Variants in LIPA observed in about 807,000 individuals in gnomAD.
LIPA encodes lysosomal acid lipase/cholesteryl ester hydrolase.
Under a neutral mutation model 40.6 loss-of-function variants are expected in LIPA, and 26 were observed. The observed-to-expected ratio is 0.64, with a 90% confidence interval of 0.47 to 0.89. LIPA has a LOEUF of 0.89. Among genes scored for constraint, LIPA ranks in the 40% least tolerant of loss-of-function variants. The pLI is 0.00. For missense variants in LIPA, 455 were observed against 479.6 expected, an observed-to-expected ratio of 0.95 and a Z score of 0.48; for synonymous variants, 188 against 168.4, an observed-to-expected ratio of 1.12 and a Z score of -0.90.
intron 2 of LIPA, among the ~76,000 whole-genome samples, chr10:89,373,334 C>CAA (rs34479360): frequency 0.01 from 623 of 62,092 alleles, 7 homozygotes; most frequent in African/African-American, 0.018. Flanking sequence ...GACTCCCTCT[C>CAA]AAAAAAAAAA....
At chr10:89,375,080 GTCCC>G (rs1844112647) in intron 2 of LIPA, among the ~76,000 whole-genome samples, 1 of 152,228 alleles carries the variant, frequency 6.6e-6, no homozygotes. Flanking sequence ...AAGGGGACTT[GTCCC>G]ACACTGTGAA....
At chr10:89,223,313 T>C (rs1290221341) in intron 7 of LIPA, among the ~76,000 whole-genome samples, 1 of 151,892 alleles carries the variant, frequency 6.6e-6, no homozygotes, top group Non-Finnish European at 1.5e-5. Flanking sequence ...TCAGCCCTTG[T>C]CCCTCTCCCT....
chr10:89,306,473 G>A, intron 1 of LIPA: 1 of 1,614,122 alleles, frequency 6.2e-7, no homozygotes, highest in Non-Finnish European at 8.5e-7. Context: ...AAAGAACCCA[G>A]AATTCACCTC....
At chr10:89,336,521 A>C (rs1843742929) in intron 1 of LIPA, among the ~76,000 whole-genome samples, 2 of 152,194 alleles carry the variant, frequency 1.3e-5, no homozygotes, top group Admixed American at 6.5e-5. Context: ...AGATCAGTAC[A>C]CTTGCAGTAG....
At chr10:89,365,260 T>A (rs993829553) in intron 2 of LIPA, among the ~76,000 whole-genome samples, 2 of 152,202 alleles carry the variant, frequency 1.3e-5, no homozygotes, top group African/African-American at 4.8e-5. Context: ...AGGGGCAGAT[T>A]TGACTTTCCT....
chr10:89,268,145 G>A (rs2133490940), intron 1 of LIPA, among the ~76,000 whole-genome samples: 1 of 152,346 alleles, frequency 6.6e-6, no homozygotes, highest in East Asian at 1.9e-4. Context: ...CTTTGGAAGA[G>A]GAAAATAGGA....
intron 1 of LIPA, chr10:89,308,517 C>A (rs960115122): frequency 1.3e-5 from 2 of 152,152 alleles, no homozygotes; most frequent in Admixed American, 1.3e-4. Flanking sequence ...ATAAACACTT[C>A]TTTTAACTCC....
At chr10:89,366,733 T>C (rs1564800746) in intron 2 of LIPA, among the ~76,000 whole-genome samples, 2 of 152,222 alleles carry the variant, frequency 1.3e-5, no homozygotes, top group Non-Finnish European at 2.9e-5. Context: ...GGTGGGACTG[T>C]AAACCAGTTC....
intron 1 of LIPA, among the ~76,000 whole-genome samples, chr10:89,298,314 A>G (rs1843427062): frequency 6.6e-6 from 1 of 152,204 alleles, no homozygotes; most frequent in African/African-American, 2.4e-5. Flanking sequence ...CTGGGGCCTG[A>G]AGACTGGCCC....
At chr10:89,230,389 C>T (rs1842825543) in intron 3 of LIPA, among the ~76,000 whole-genome samples, 1 of 152,196 alleles carries the variant, frequency 6.6e-6, no homozygotes, top group Admixed American at 6.5e-5. Flanking sequence ...TCACAGCAAC[C>T]TCCACCTTCT....
At chr10:89,384,323 G>A (rs760956703) in intron 2 of LIPA, 7 of 1,614,018 alleles carry the variant, frequency 4.3e-6, no homozygotes, top group African/African-American at 1.3e-5. Context: ...ATGTTAAAGC[G>A]AACATTTGAG....
chr10:89,236,048 G>A (rs1332945252), intron 3 of LIPA, among the ~76,000 whole-genome samples: 5 of 152,014 alleles, frequency 3.3e-5, no homozygotes, highest in Admixed American at 3.3e-4. Flanking sequence ...GACCAACTCT[G>A]TAGTCTGGAA....
chr10:89,391,122 A>T (rs1369083651), intron 2 of LIPA, among the ~76,000 whole-genome samples: 1 of 152,200 alleles, frequency 6.6e-6, no homozygotes, highest in East Asian at 1.9e-4. Context: ...AAGTGTTTCC[A>T]AAAGGAAAAT....
intron 1 of LIPA, among the ~76,000 whole-genome samples, chr10:89,258,664 A>G (rs546452117): frequency 2.0e-5 from 3 of 152,332 alleles, no homozygotes; most frequent in Admixed American, 6.5e-5. Flanking sequence ...AAAGGTAAAC[A>G]TAGAGTTATC....
At chr10:89,263,154 C>T (rs959116674) in intron 1 of LIPA, among the ~76,000 whole-genome samples, 10 of 152,146 alleles carry the variant, frequency 6.6e-5, no homozygotes, top group South Asian at 2.1e-4. Context: ...TGCCCTTCAC[C>T]GCCTCCAAGA....
chr10:89,302,116 C>T (rs760124533), intron 1 of LIPA: 4 of 1,613,970 alleles, frequency 2.5e-6, no homozygotes, highest in South Asian at 2.2e-5. Flanking sequence ...GAGAATTGCA[C>T]TGCAACCATG....
At chr10:89,371,949 G>A (rs1328922434) in intron 2 of LIPA, among the ~76,000 whole-genome samples, 3 of 152,106 alleles carry the variant, frequency 2.0e-5, no homozygotes, top group African/African-American at 4.8e-5. Context: ...CAACTAACAT[G>A]GAAACAGAAA....
chr10:89,235,451 A>G (rs1402682224), intron 3 of LIPA, among the ~76,000 whole-genome samples: 1 of 152,256 alleles, frequency 6.6e-6, no homozygotes, highest in Non-Finnish European at 1.5e-5. Context: ...TAAATAGGAC[A>G]AAGCTGACAA....
intron 2 of LIPA, chr10:89,383,847 T>C (rs191011735): frequency 8.1e-6 from 13 of 1,614,220 alleles, no homozygotes; most frequent in Middle Eastern, 1.6e-4. Flanking sequence ...CTGAATTCAA[T>C]ACTGGGTACG....
Sources: gnomAD v4.1 joint callset for allele counts (sites outside exome capture counted in the v4.1 genomes callset) on GRCh38, gnomAD v4.1.1 for gene constraint, MANE v1.5 for transcripts, NCBI Gene and HGNC (gene_info 2026-07-23, HGNC 2026-07-21) for gene names.